The following C1orf21 variants were observed in gnomAD, a reference collection of about 807,000 sequenced individuals.
The protein encoded by C1orf21 is chromosome 1 open reading frame 21.
Under a neutral mutation model 18.7 loss-of-function variants are expected in C1orf21, and 3 were observed. The observed-to-expected ratio is 0.16, with a 90% confidence interval of 0.07 to 0.42. The LOEUF (loss-of-function observed/expected upper bound fraction) is 0.42. C1orf21 is among the 10% of genes least tolerant of loss of function. The pLI is 0.99. For missense variants in C1orf21, 104 were observed against 143.6 expected, an observed-to-expected ratio of 0.72 and a Z score of 1.41; for synonymous variants, 41 against 46.4, an observed-to-expected ratio of 0.88 and a Z score of 0.47.
chr1:184,487,572 G>T (rs561003330), intron 2 of C1orf21, among the ~76,000 whole-genome samples: 7 of 152,264 alleles, frequency 4.6e-5, no homozygotes, highest in African/African-American at 1.2e-4. Context: ...ACCAACATTT[G>T]CTCAGAAGTC....
chr1:184,451,642 G>C (rs1444307417), intron 1 of C1orf21, among the ~76,000 whole-genome samples: 2 of 151,892 alleles, frequency 1.3e-5, no homozygotes, highest in Non-Finnish European at 1.5e-5. Flanking sequence ...CCTTCAAGTT[G>C]TAATAGTGTG....
rs386368968 is a variant in C1orf21 at position 184,584,133 on chromosome 1, C to CTTTT, written c.190-6587_190-6584dup. Among the ~76,000 whole-genome samples the CTTTT allele has an allele frequency of 3.7e-3, 416 of 113,142 alleles. 5 individuals carry two copies. Among genetic ancestry groups the CTTTT allele is most frequent in the African/African-American group, 0.013 (380 of 29,448 alleles). The allele number at this position is 113,142 out of a possible 152,430, so 74.2% of individuals were successfully genotyped here. On this transcript the variant is annotated intron_variant, in intron 3 of 5. Transcript: ENST00000235307. ...GTTGGTTTGTTTGCTTGTTCTTCTT[C>CTTTT]TTTTTTTTTTTTTTTTTTTTTTAAG...
chr1:184,458,257 C>T (rs573361536), intron 1 of C1orf21, among the ~76,000 whole-genome samples: 14 of 152,228 alleles, frequency 9.2e-5, no homozygotes, highest in African/African-American at 2.9e-4. Context: ...TAACTGATTC[C>T]GGTGGGGGAA....
intron 1 of C1orf21, among the ~76,000 whole-genome samples, chr1:184,467,122 T>C (rs1282181337): frequency 1.3e-5 from 2 of 152,208 alleles, no homozygotes; most frequent in Admixed American, 1.3e-4. Flanking sequence ...TCATTGTCCA[T>C]GCAGGTGACC....
intron 2 of C1orf21, among the ~76,000 whole-genome samples, chr1:184,500,061 C>G (rs1317716064): frequency 3.3e-5 from 5 of 152,172 alleles, no homozygotes. Flanking sequence ...CGTGTCTTCC[C>G]TTTCTGGAAG....
intron 5 of C1orf21, among the ~76,000 whole-genome samples, chr1:184,612,327 A>G (rs1558014623): frequency 6.6e-6 from 1 of 152,240 alleles, no homozygotes; most frequent in Non-Finnish European, 1.5e-5. Context: ...TTTGCTTTGT[A>G]CAAACCCAAG....
chr1:184,599,060 G>A (rs1659553903), intron 5 of C1orf21, among the ~76,000 whole-genome samples: 1 of 152,166 alleles, frequency 6.6e-6, no homozygotes, highest in African/African-American at 2.4e-5. Flanking sequence ...CTCTGGTAGT[G>A]TGTGGGGATT....
intron 1 of C1orf21, among the ~76,000 whole-genome samples, chr1:184,475,007 A>C (rs1657548699): frequency 6.6e-6 from 1 of 152,230 alleles, no homozygotes; most frequent in Non-Finnish European, 1.5e-5. Context: ...CAGCAAAAGC[A>C]GAAGTAGCAA....
chr1:184,534,417 G>A (rs1009408425), intron 3 of C1orf21, among the ~76,000 whole-genome samples: 1 of 152,122 alleles, frequency 6.6e-6, no homozygotes, highest in African/African-American at 2.4e-5. Flanking sequence ...TCAAATCTGG[G>A]TCTTCTCATT....
chr1:184,401,873 T>A (rs1039471856), intron 1 of C1orf21, among the ~76,000 whole-genome samples: 4 of 152,074 alleles, frequency 2.6e-5, no homozygotes, highest in African/African-American at 9.6e-5. Context: ...TAATCAGTAT[T>A]TAAAAATATT....
chr1:184,431,230 T>G (rs1427174167), intron 1 of C1orf21, among the ~76,000 whole-genome samples: 1 of 152,174 alleles, frequency 6.6e-6, no homozygotes, highest in Admixed American at 6.5e-5. Flanking sequence ...ACTACAAGGC[T>G]ACAGTAACCA....
At chr1:184,585,080 TA>T (rs1659334540) in intron 3 of C1orf21, among the ~76,000 whole-genome samples, 1 of 152,218 alleles carries the variant, frequency 6.6e-6, no homozygotes, top group Admixed American at 6.5e-5. Flanking sequence ...TTTACCCCCA[TA>T]AGGCTGTTAA....
chr1:184,584,152 T>TC (rs1332018141), intron 3 of C1orf21, among the ~76,000 whole-genome samples: 1 of 148,982 alleles, frequency 6.7e-6, no homozygotes, highest in Non-Finnish European at 1.5e-5. Flanking sequence ...TTTTTTTTTT[T>TC]TTTAAGAAAG....
intron 5 of C1orf21, among the ~76,000 whole-genome samples, chr1:184,602,473 A>T (rs1384261291): frequency 6.6e-6 from 1 of 152,222 alleles, no homozygotes; most frequent in African/African-American, 2.4e-5. Context: ...AACCATCGTT[A>T]TTCCACTGGA....
At chr1:184,447,542 G>A (rs1657053498) in intron 1 of C1orf21, among the ~76,000 whole-genome samples, 1 of 152,170 alleles carries the variant, frequency 6.6e-6, no homozygotes, top group South Asian at 2.1e-4. Flanking sequence ...TTGGGTGTCA[G>A]TTTTACTATT....
At chr1:184,468,230 A>T (rs1657435965) in intron 1 of C1orf21, among the ~76,000 whole-genome samples, 1 of 152,210 alleles carries the variant, frequency 6.6e-6, no homozygotes, top group African/African-American at 2.4e-5. Context: ...TATTTCCTTG[A>T]GCAGCTCTCT....
At chr1:184,402,846 C>T (rs1656185810) in intron 1 of C1orf21, among the ~76,000 whole-genome samples, 1 of 152,136 alleles carries the variant, frequency 6.6e-6, no homozygotes, top group South Asian at 2.1e-4. Context: ...TTGACAAGCA[C>T]CTGTCAATAT....
rs1300212650 is a variant in C1orf21 at position 184,460,617 on chromosome 1, G to GTCTTCTTCT, written c.-124-16767_-124-16766insTTCTTCTTC. Among the ~76,000 whole-genome samples the GTCTTCTTCT allele has an allele frequency of 2.5e-3, 295 of 116,472 alleles. 2 individuals carry two copies. Among genetic ancestry groups the GTCTTCTTCT allele is most frequent in the African/African-American group, 9.5e-3 (266 of 27,882 alleles). 76.4% of individuals were successfully genotyped at this position (116,472 alleles called of 152,430 possible). A position where few individuals can be genotyped will look rare whatever the true frequency, so the allele number is the denominator to read the frequency against. On this transcript the variant is annotated intron_variant, in intron 1 of 5. Coordinates refer to ENST00000235307, the MANE Select transcript of C1orf21 (RefSeq NM_030806.4). Reference sequence around the variant, plus strand: ...GAGTTGGGCTGTTAGTATTGTCGTCGTCGTCTTCTTCTTCTTCTTCTTCTT... The same window carrying GTCTTCTTCT: ...GAGTTGGGCTGTTAGTATTGTCGTCGTCTTCTTCTTCGTCTTCTTCTTCTTCTTCTTCTT...
intron 3 of C1orf21, among the ~76,000 whole-genome samples, chr1:184,539,067 C>A (rs904751438): frequency 4.6e-5 from 7 of 152,218 alleles, no homozygotes; most frequent in Middle Eastern, 3.4e-3. Flanking sequence ...GGCATCCTTC[C>A]CTTGTTCTTG....
Sources: allele counts gnomAD v4.1 joint callset (sites outside exome capture counted in the v4.1 genomes callset), GRCh38; gene constraint gnomAD v4.1.1; transcripts MANE v1.5; gene names NCBI Gene and HGNC (gene_info 2026-07-23, HGNC 2026-07-21).